The following EPHA5 variants were observed in gnomAD, a reference collection of about 807,000 sequenced individuals.
EPHA5 encodes the protein ephrin type-A receptor 5.
In EPHA5, 60 loss-of-function variants were observed where a neutral mutation model predicts 105.0. That is an observed-to-expected ratio of 0.57 (90% CI 0.46 to 0.71). EPHA5 has a LOEUF of 0.71. Among genes scored for constraint, EPHA5 ranks in the 30% least tolerant of loss-of-function variants. The pLI is 0.00. For missense variants in EPHA5, 1,218 were observed against 1,274.7 expected, an observed-to-expected ratio of 0.96 and a Z score of 0.68; for synonymous variants, 513 against 449.1, an observed-to-expected ratio of 1.14 and a Z score of -1.80.
At chr4:65,614,734 T>C (rs1452136059) in intron 2 of EPHA5, among the ~76,000 whole-genome samples, 1 of 151,890 alleles carries the variant, frequency 6.6e-6, no homozygotes, top group Non-Finnish European at 1.5e-5. Context: ...AGAAGTACTC[T>C]TCTATGCTCC....
At chr4:65,434,847 G>A (rs1431979450) in intron 5 of EPHA5, among the ~76,000 whole-genome samples, 1 of 152,040 alleles carries the variant, frequency 6.6e-6, no homozygotes, top group East Asian at 1.9e-4. Context: ...TTAAGACCAT[G>A]AAGTACCCAA....
chr4:65,654,819 A>T (rs1229417390), intron 1 of EPHA5, among the ~76,000 whole-genome samples: 1 of 147,156 alleles, frequency 6.8e-6, no homozygotes, highest in Non-Finnish European at 1.5e-5. Context: ...ATAGGATATA[A>T]CTATCTAAAC....
intron 7 of EPHA5, among the ~76,000 whole-genome samples, chr4:65,409,370 T>C (rs1160038290): frequency 4.0e-5 from 6 of 149,712 alleles, no homozygotes; most frequent in African/African-American, 7.3e-5. Context: ...AATAAATAAA[T>C]AAAAGAGCTT....
intron 1 of EPHA5, among the ~76,000 whole-genome samples, chr4:65,667,849 A>G (rs1447807123): frequency 6.6e-6 from 1 of 152,118 alleles, no homozygotes; most frequent in Non-Finnish European, 1.5e-5. Flanking sequence ...GAATGATATT[A>G]CTGTTAAACC....
intron 3 of EPHA5, among the ~76,000 whole-genome samples, chr4:65,549,442 C>T (rs188887341): frequency 1.0e-3 from 157 of 152,050 alleles, no homozygotes; most frequent in African/African-American, 3.4e-3. Context: ...TTATATTCAA[C>T]GTTTATACAA....
chr4:65,514,346 C>T (rs949089729), intron 3 of EPHA5, among the ~76,000 whole-genome samples: 2 of 152,170 alleles, frequency 1.3e-5, no homozygotes, highest in African/African-American at 4.8e-5. Context: ...GAGTATGCAA[C>T]TCCATGTAAA....
chr4:65,618,212 C>A (rs1157351172), intron 2 of EPHA5, among the ~76,000 whole-genome samples: 2 of 151,988 alleles, frequency 1.3e-5, no homozygotes. Context: ...TCACTTGGTC[C>A]AAATGAATAC....
intron 7 of EPHA5, 109 bp from the exon 8 acceptor site, chr4:65,404,588 A>C: frequency 1.2e-6 from 1 of 833,342 alleles, no homozygotes; most frequent in Admixed American, 2.4e-5. Context: ...CAATTTACCC[A>C]CACTTAGCTG....
chr4:65,422,134 C>T (rs943025821), intron 5 of EPHA5, among the ~76,000 whole-genome samples: 1 of 152,050 alleles, frequency 6.6e-6, no homozygotes, highest in African/African-American at 2.4e-5. Flanking sequence ...AAACTCAGTT[C>T]AGTAGCTAAG....
chr4:65,376,810 A>G (rs2148918931), intron 8 of EPHA5, among the ~76,000 whole-genome samples: 1 of 152,184 alleles, frequency 6.6e-6, no homozygotes, highest in East Asian at 1.9e-4. Flanking sequence ...TGCTTGACAT[A>G]GGGATGATGT....
intron 2 of EPHA5, among the ~76,000 whole-genome samples, chr4:65,633,346 G>A (rs1337417104): frequency 6.7e-6 from 1 of 149,346 alleles, no homozygotes; most frequent in African/African-American, 2.4e-5. Flanking sequence ...CACAGGAATT[G>A]AAAACAGCTG....
intron 3 of EPHA5, among the ~76,000 whole-genome samples, chr4:65,501,301 G>A (rs1293901763): frequency 6.6e-6 from 1 of 151,336 alleles, no homozygotes; most frequent in East Asian, 1.9e-4. Flanking sequence ...ATCCAAATAG[G>A]AAAAGAAGTC....
At chr4:65,372,167 G>T (rs1418465408) in intron 8 of EPHA5, among the ~76,000 whole-genome samples, 1 of 151,818 alleles carries the variant, frequency 6.6e-6, no homozygotes, top group African/African-American at 2.4e-5. Context: ...AGTATATAAA[G>T]AATTTTATAT....
At chr4:65,510,739 T>C (rs928138479) in intron 3 of EPHA5, among the ~76,000 whole-genome samples, 4 of 152,158 alleles carry the variant, frequency 2.6e-5, no homozygotes, top group East Asian at 1.9e-4. Context: ...CAATCCAAAA[T>C]TGATATCTCA....
chr4:65,666,891 G>T (rs1178686204), intron 1 of EPHA5, among the ~76,000 whole-genome samples: 2 of 152,058 alleles, frequency 1.3e-5, no homozygotes, highest in Non-Finnish European at 2.9e-5. Flanking sequence ...TTTAAGAAAT[G>T]ACTAGAATAG....
chr4:65,586,900 C>G (rs950051392), intron 3 of EPHA5, among the ~76,000 whole-genome samples: 1 of 152,046 alleles, frequency 6.6e-6, no homozygotes, highest in African/African-American at 2.4e-5. Flanking sequence ...CAGTTCTGTT[C>G]TACCCATTAG....
At chr4:65,637,395 C>T (rs1326181272) in intron 2 of EPHA5, among the ~76,000 whole-genome samples, 1 of 151,308 alleles carries the variant, frequency 6.6e-6, no homozygotes, top group African/African-American at 2.4e-5. Context: ...AATTTGCATA[C>T]TCTCCTATAT....
At chr4:65,468,097 T>C (rs1006973062) in intron 5 of EPHA5, among the ~76,000 whole-genome samples, 12 of 152,174 alleles carry the variant, frequency 7.9e-5, no homozygotes, top group Admixed American at 7.2e-4. Context: ...ATCCATGTTG[T>C]TTAAGCCACA....
chr4:65,454,234 C>T (rs1247867276), intron 5 of EPHA5, among the ~76,000 whole-genome samples: 2 of 151,996 alleles, frequency 1.3e-5, no homozygotes, highest in African/African-American at 4.8e-5. Context: ...GAGTCGAGTT[C>T]GTGCCATTGC....
Sources: allele counts gnomAD v4.1 joint callset (sites outside exome capture counted in the v4.1 genomes callset), GRCh38; gene constraint gnomAD v4.1.1; transcripts MANE v1.5; gene names NCBI Gene and HGNC (gene_info 2026-07-23, HGNC 2026-07-21).